DNAJA2: variants seen among roughly 807,000 people sequenced by gnomAD.
DNAJA2 encodes dnaJ homolog subfamily A member 2.
In DNAJA2, 6 loss-of-function variants were observed where a neutral mutation model predicts 49.3. The observed-to-expected ratio is 0.12, with a 90% confidence interval of 0.07 to 0.24. The LOEUF is 0.24. Ranked by LOEUF, DNAJA2 falls within the 10% of genes least tolerant of loss-of-function variation. The probability of loss-of-function intolerance (pLI) is 1.00; values close to 1 mark genes in which losing one functional copy is unlikely to be tolerated. For synonymous variants in DNAJA2, 160 were observed against 172.7 expected (o/e 0.93, Z 0.58); for missense variants, 347 against 516.8 (o/e 0.67, Z 3.19).
Position 46,971,792 on chromosome 16 carries a change from G to A in DNAJA2, c.138+104C>T, listed in dbSNP as rs1962053976. On this transcript the variant is annotated intron_variant, in intron 2 of 8. Transcript: ENST00000317089. ...CTTGACATTATGAAAATGTGGCTGT[G>A]TGGGCATAGTTGGATTTTTTTCCTG... 3 of 1,063,156 alleles carry A rather than the reference G, an allele frequency of 2.8e-6. No individual in the cohort carries two copies. In the Admixed American group the frequency reaches 5.5e-5, roughly 19 times the overall value. 65.9% of individuals were successfully genotyped at this position (1,063,156 alleles called of 1,614,324 possible). A position where few individuals can be genotyped will look rare whatever the true frequency, so the allele number is the denominator to read the frequency against.
intron 6 of DNAJA2, 29 bp downstream of exon 6, chr16:46,964,582 A>T: frequency 6.3e-7 from 1 of 1,581,850 alleles, no homozygotes; most frequent in South Asian, 1.2e-5. Context: ...ATAAAACAAA[A>T]TACAAAAAAC....
Position 46,971,661 on chromosome 16 carries a change from T to TAA in DNAJA2, c.139-91_139-90dup, listed in dbSNP as rs71134521. 137 of 467,070 alleles carry TAA rather than the reference T, an allele frequency of 2.9e-4. 6 individuals carry two copies. The highest frequency in any genetic ancestry group is 6.1e-4 in the Middle Eastern group (1 of 1,630). The allele number at this position is 467,070 out of a possible 1,614,324, so 28.9% of individuals were successfully genotyped here. ...CAGGAATCCAGAATCCATTTAATTC[T>TAA]AAAAAAAAAAAAAAAGGGACAAGTT... On this transcript the variant is annotated intron_variant, in intron 2 of 8. Coordinates refer to ENST00000317089, the MANE Select transcript of DNAJA2 (RefSeq NM_005880.4).
intron 5 of DNAJA2, among the ~76,000 whole-genome samples, chr16:46,965,087 GC>G (rs1358553700): frequency 6.6e-6 from 1 of 152,040 alleles, no homozygotes; most frequent in Non-Finnish European, 1.5e-5. Context: ...GCGTGGTAGT[GC>G]ACACCTGTAA....
At chr16:46,967,706 G>A in intron 4 of DNAJA2, 60 bp from the exon 5 acceptor site, 1 of 1,603,634 alleles carries the variant, frequency 6.2e-7, no homozygotes, top group South Asian at 1.1e-5. Flanking sequence ...AATAAGCTAT[G>A]ACACACAGAA....
In DNAJA2 at chr16:46,956,936, C is replaced by A; in HGVS notation, c.*93G>T. ...ATAGACCAACAGATGTCCCTCAGTT[C>A]ATCTGGATTGATAAGACACTCCAGC... On this transcript the variant is annotated 3_prime_UTR_variant, in exon 9 of 9. Coordinates refer to ENST00000317089, the MANE Select transcript of DNAJA2 (RefSeq NM_005880.4). The A allele has an allele frequency of 7.2e-7, 1 of 1,388,832 alleles. No homozygotes were observed. The highest frequency in any genetic ancestry group is 1.0e-6 in the Non-Finnish European group (1 of 978,380). The allele number at this position is 1,388,832 out of a possible 1,614,324, so 86.0% of individuals were successfully genotyped here.
intron 8 of DNAJA2, among the ~76,000 whole-genome samples, chr16:46,957,993 C>T (rs1393915999): frequency 1.3e-5 from 2 of 152,094 alleles, no homozygotes; most frequent in African/African-American, 4.8e-5. Context: ...ACTAGGAAAG[C>T]CTACCAATCA....
chr16:46,967,001 A>T (rs1961981215), intron 5 of DNAJA2, among the ~76,000 whole-genome samples: 1 of 152,254 alleles, frequency 6.6e-6, no homozygotes, highest in Non-Finnish European at 1.5e-5. Context: ...TGAATTAAAA[A>T]GAGTCACCTT....
In DNAJA2 at chr16:46,972,253, A is replaced by G. The variant is rs543116525; in HGVS notation, c.79-298T>C. 6 of 310,958 alleles carry G rather than the reference A, an allele frequency of 1.9e-5. No individual in the cohort carries two copies. The Admixed American group carries it at 1.9e-4, about 10-fold the overall frequency. The allele number at this position is 310,958 out of a possible 1,614,324, so 19.3% of individuals were successfully genotyped here. On this transcript the variant is annotated intron_variant, in intron 1 of 8. Transcript: ENST00000317089. Reference sequence around the variant, plus strand: ...TTCAAACATTATCCATATTTTCCCTATTGTCAAGTGTCTTTGATGGCCAAG... The same window carrying G: ...TTCAAACATTATCCATATTTTCCCTGTTGTCAAGTGTCTTTGATGGCCAAG...
rs1428098822 is a variant in DNAJA2, at chr16:46,955,825, C to G, written c.*1204G>C. On this transcript the variant is annotated 3_prime_UTR_variant, in exon 9 of 9. Coordinates refer to ENST00000317089, the MANE Select transcript of DNAJA2 (RefSeq NM_005880.4). ...AAGAGAAACACAACATCCGTTTCATCAATTTTACCTGATTTTTCTCAAACC... is the reference window on the plus strand; with the variant it reads ...AAGAGAAACACAACATCCGTTTCATGAATTTTACCTGATTTTTCTCAAACC... 2 of 151,756 alleles carry G rather than the reference C, an allele frequency of 1.3e-5. No homozygotes were observed. The highest frequency in any genetic ancestry group is 4.8e-5 in the African/African-American group (2 of 41,352). The allele number at this position is 151,756 out of a possible 1,614,324, so 9.4% of individuals were successfully genotyped here.
At chr16:46,958,076 C>A (rs568707852) in intron 8 of DNAJA2, among the ~76,000 whole-genome samples, 18 of 152,268 alleles carry the variant, frequency 1.2e-4, no homozygotes, top group African/African-American at 3.6e-4. Context: ...CAGTGGCTCA[C>A]GACTGCAATC....
intron 5 of DNAJA2, 71 bp downstream of exon 5, chr16:46,967,442 T>G: frequency 3.1e-6 from 5 of 1,590,442 alleles, no homozygotes; most frequent in Non-Finnish European, 2.6e-6. Flanking sequence ...AATAAAAAAT[T>G]GTAAACCTCT....
intron 6 of DNAJA2, among the ~76,000 whole-genome samples, chr16:46,963,991 G>T (rs1961934529): frequency 6.6e-6 from 1 of 152,158 alleles, no homozygotes; most frequent in Admixed American, 6.5e-5. Context: ...AGAATCGCTT[G>T]AACCTGGGAG....
At chr16:46,972,000 G>A (rs1360945061) in intron 1 of DNAJA2, 45 bp from the exon 2 acceptor site, 2 of 1,357,484 alleles carry the variant, frequency 1.5e-6, no homozygotes, top group Admixed American at 1.7e-5. Context: ...CTAAACACCA[G>A]TTAAAAGTTT....
chr16:46,971,285 T>C, intron 3 of DNAJA2, 64 bp downstream of exon 3: 1 of 1,418,918 alleles, frequency 7.0e-7, no homozygotes, highest in Non-Finnish European at 9.7e-7. Flanking sequence ...TTTCATCTAC[T>C]GAGTCATTAT....
At position 46,956,985 on chromosome 16, in the gene DNAJA2, C is replaced by T; in HGVS notation, c.*44G>A. ...GCTGGATTGCTGAGAACAAATCAGG[C>T]AAATGTGGAAAGAAAATCCACCTGT... is the stretch of plus-strand genomic sequence containing the variant. On this transcript the variant is annotated 3_prime_UTR_variant, in exon 9 of 9. Transcript: ENST00000317089. 1 of 1,609,066 alleles carries T rather than the reference C, an allele frequency of 6.2e-7. No individual in the cohort carries two copies. Among genetic ancestry groups the T allele is most frequent in the South Asian group, 1.1e-5 (1 of 90,908 alleles).
chr16:46,956,887 C>A lies in DNAJA2; in HGVS notation c.*142G>T. The A allele has an allele frequency of 1.2e-6, 1 of 858,388 alleles. No homozygotes were observed. The highest frequency in any genetic ancestry group is 1.9e-6 in the Non-Finnish European group (1 of 528,818). 53.2% of individuals were successfully genotyped at this position (858,388 alleles called of 1,614,324 possible). A position where few individuals can be genotyped will look rare whatever the true frequency, so the allele number is the denominator to read the frequency against. On this transcript the variant is annotated 3_prime_UTR_variant, in exon 9 of 9. Transcript: ENST00000317089. The stretch of plus-strand genomic sequence containing the variant: ...GTTTAAATTATACACTCTGTAGATA[C>A]TATACCAATTTTAAAAGTTATACAT...
At chr16:46,965,281 G>A (rs750141187) in intron 5 of DNAJA2, among the ~76,000 whole-genome samples, 3 of 152,134 alleles carry the variant, frequency 2.0e-5, no homozygotes, top group Non-Finnish European at 4.4e-5. Flanking sequence ...CTGCCTGAAG[G>A]ACTCAGCTTC....
chr16:46,957,954 T>G (rs934944833), intron 8 of DNAJA2, among the ~76,000 whole-genome samples: 3 of 151,940 alleles, frequency 2.0e-5, no homozygotes, highest in African/African-American at 7.3e-5. Flanking sequence ...CCATCAACAT[T>G]TACACCAGCA....
chr16:46,972,775 A>G (rs755104015), intron 1 of DNAJA2: 1 of 152,256 alleles, frequency 6.6e-6, no homozygotes, highest in African/African-American at 2.4e-5. Flanking sequence ...AGCATTGCAA[A>G]TAGCAATAAT....
Sources: gnomAD v4.1 joint callset for allele counts (sites outside exome capture counted in the v4.1 genomes callset) on GRCh38, gnomAD v4.1.1 for gene constraint, MANE v1.5 for transcripts, NCBI Gene and HGNC (gene_info 2026-07-23, HGNC 2026-07-21) for gene names.